Variants in FAM151B observed in about 807,000 individuals in gnomAD.
FAM151B encodes protein FAM151B.
In FAM151B, 24 loss-of-function variants were observed where a neutral mutation model predicts 31.2. The ratio of observed to expected loss-of-function variants is 0.77; its 90% CI spans 0.56 to 1.08. FAM151B has a LOEUF of 1.08. Ranked by LOEUF, FAM151B falls within the 50% of genes least tolerant of loss-of-function variation. The pLI is 0.00. For synonymous variants in FAM151B, 105 were observed against 111.4 expected (o/e 0.94, Z 0.36); for missense variants, 293 against 328.6 (o/e 0.89, Z 0.84).
At chr5:80,526,453 C>CAAAA (rs35345817) in intron 5 of FAM151B, among the ~76,000 whole-genome samples, 1 of 127,036 alleles carries the variant, frequency 7.9e-6, no homozygotes. Flanking sequence ...TACTAAAGTC[C>CAAAA]AAAAAAAAAA....
chr5:80,489,881 G>A (rs554417985), intron 1 of FAM151B, among the ~76,000 whole-genome samples: 16 of 151,946 alleles, frequency 1.1e-4, no homozygotes, highest in Non-Finnish European at 2.4e-4. Context: ...CCAAGATTGC[G>A]CCACTGCACT....
intron 5 of FAM151B, among the ~76,000 whole-genome samples, chr5:80,525,311 A>G (rs754806110): frequency 2.0e-5 from 3 of 152,174 alleles, no homozygotes; most frequent in Non-Finnish European, 4.4e-5. Flanking sequence ...GCTATTTGAA[A>G]TAAGACACTA....
intron 5 of FAM151B, among the ~76,000 whole-genome samples, chr5:80,525,845 T>C (rs1167963259): frequency 6.7e-6 from 1 of 149,276 alleles, no homozygotes; most frequent in African/African-American, 2.5e-5. Flanking sequence ...AGGCTTCTAA[T>C]GCTCTCTATA....
At chr5:80,494,823 T>C (rs971533912) in intron 1 of FAM151B, among the ~76,000 whole-genome samples, 1 of 151,978 alleles carries the variant, frequency 6.6e-6, no homozygotes, top group Non-Finnish European at 1.5e-5. Context: ...CAACAATAGA[T>C]TGTCAGTGTA....
chr5:80,530,823 A>T (rs1269536277), intron 5 of FAM151B, among the ~76,000 whole-genome samples: 1 of 152,222 alleles, frequency 6.6e-6, no homozygotes, highest in Non-Finnish European at 1.5e-5. Flanking sequence ...AAGGTAATTT[A>T]TATGTTCAAT....
intron 3 of FAM151B, among the ~76,000 whole-genome samples, chr5:80,517,366 C>T (rs1744500124): frequency 6.6e-6 from 1 of 152,176 alleles, no homozygotes; most frequent in Non-Finnish European, 1.5e-5. Context: ...ATATTCCCTG[C>T]AGATAAGGTG....
chr5:80,497,003 GT>G (rs1314464701), intron 1 of FAM151B, among the ~76,000 whole-genome samples: 1 of 151,514 alleles, frequency 6.6e-6, no homozygotes, highest in Non-Finnish European at 1.5e-5. Context: ...TAGAGAAGGG[GT>G]TTCAACATAT....
chr5:80,526,669 A>C (rs546044554), intron 5 of FAM151B, among the ~76,000 whole-genome samples: 3 of 152,278 alleles, frequency 2.0e-5, no homozygotes, highest in East Asian at 1.9e-4. Flanking sequence ...AAGCAAAAAA[A>C]ATTTATTCTC....
At position 80,500,525 on chromosome 5, in the gene FAM151B, A is replaced by C. The variant is rs1402915879; in HGVS notation, c.26-1267A>C. Reference sequence around the variant, plus strand: ...TCACAAGGAATATAGGCAGATATACAGAACTGAATTTTGAATGGCAAGGAT... The same window carrying C: ...TCACAAGGAATATAGGCAGATATACCGAACTGAATTTTGAATGGCAAGGAT... On this transcript the variant is annotated intron_variant, in intron 1 of 5. Coordinates refer to ENST00000282226, the MANE Select transcript of FAM151B (RefSeq NM_205548.3). 8 of 759,380 alleles carry C rather than the reference A, an allele frequency of 1.1e-5. No individual in the cohort carries two copies. In the East Asian group the frequency reaches 1.2e-4, roughly 12 times the overall value. 47.0% of individuals were successfully genotyped at this position (759,380 alleles called of 1,614,324 possible).
intron 1 of FAM151B, among the ~76,000 whole-genome samples, chr5:80,495,481 G>C (rs1443680380): frequency 6.6e-6 from 1 of 152,126 alleles, no homozygotes; most frequent in Non-Finnish European, 1.5e-5. Context: ...GCTCTCATGG[G>C]TGACTTTGAG....
At chr5:80,510,332 G>A (rs1363071687) in intron 2 of FAM151B, among the ~76,000 whole-genome samples, 2 of 152,144 alleles carry the variant, frequency 1.3e-5, no homozygotes, top group African/African-American at 2.4e-5. Context: ...TCTCCTCCAC[G>A]TGGCTTCTCT....
intron 2 of FAM151B, among the ~76,000 whole-genome samples, chr5:80,511,279 C>T (rs1744174043): frequency 6.6e-6 from 1 of 151,732 alleles, no homozygotes; most frequent in Non-Finnish European, 1.5e-5. Flanking sequence ...TGAGACCAAC[C>T]TGGGCAACAC....
At chr5:80,540,834 C>T (rs1156435128) in intron 5 of FAM151B, among the ~76,000 whole-genome samples, 2 of 152,148 alleles carry the variant, frequency 1.3e-5, no homozygotes, top group Non-Finnish European at 2.9e-5. Context: ...AGAATGGTGT[C>T]GCCATCCTTA....
At chr5:80,538,237 T>G (rs1056036276) in intron 5 of FAM151B, among the ~76,000 whole-genome samples, 1 of 151,810 alleles carries the variant, frequency 6.6e-6, no homozygotes, top group African/African-American at 2.4e-5. Context: ...CCAGCTAATT[T>G]GTTGTATTTT....
chr5:80,493,177 A>G (rs1179523354), intron 1 of FAM151B, among the ~76,000 whole-genome samples: 1 of 152,198 alleles, frequency 6.6e-6, no homozygotes, highest in Non-Finnish European at 1.5e-5. Flanking sequence ...GGGACCCCGA[A>G]TGAAGGGACC....
At position 80,501,936 on chromosome 5, in the gene FAM151B, T is replaced by C; in HGVS notation, c.151+19T>C. 1.3e-6 allele frequency: 2 copies of C among 1,543,432 alleles called. No individual in the cohort carries two copies. Among genetic ancestry groups the C allele is most frequent in the South Asian group, 2.5e-5 (2 of 78,730 alleles). ...CTGAAAAGTAAGTCAGTACAGTTAC[T>C]TGTAATTTACTTTGGATAATAGATT... On this transcript the variant is annotated intron_variant, in intron 2 of 5. Coordinates refer to ENST00000282226, the MANE Select transcript of FAM151B (RefSeq NM_205548.3).
At chr5:80,520,686 G>GTA (rs111680419) in intron 4 of FAM151B, among the ~76,000 whole-genome samples, 4,311 of 139,022 alleles carry the variant, frequency 0.031, 199 homozygotes, top group African/African-American at 0.11. Context: ...ATATGTGTGT[G>GTA]TATATATATA....
chr5:80,495,787 C>T (rs942491352), intron 1 of FAM151B, among the ~76,000 whole-genome samples: 1 of 124,800 alleles, frequency 8.0e-6, no homozygotes, highest in African/African-American at 3.0e-5. Context: ...CCGAGATGCG[C>T]CACACTGCAC....
intron 5 of FAM151B, among the ~76,000 whole-genome samples, chr5:80,537,265 G>T (rs765998630): frequency 6.6e-6 from 1 of 152,186 alleles, no homozygotes; most frequent in Non-Finnish European, 1.5e-5. Context: ...AGCGTTCTGG[G>T]TGGGGTGAGA....
Sources: allele counts gnomAD v4.1 joint callset (sites outside exome capture counted in the v4.1 genomes callset), GRCh38; gene constraint gnomAD v4.1.1; transcripts MANE v1.5; gene names NCBI Gene and HGNC (gene_info 2026-07-23, HGNC 2026-07-21).